Variants in RAPGEF5 observed in about 807,000 individuals in gnomAD.
RAPGEF5 encodes Rap guanine nucleotide exchange factor 5.
Under a neutral mutation model 125.2 loss-of-function variants are expected in RAPGEF5, and 65 were observed. The ratio of observed to expected loss-of-function variants is 0.52; its 90% CI spans 0.43 to 0.64. The LOEUF is 0.64. RAPGEF5 is among the 30% of genes least tolerant of loss of function. RAPGEF5 has a pLI of 0.00. For missense variants in RAPGEF5, 958 were observed against 1,048.1 expected, an observed-to-expected ratio of 0.91 and a Z score of 1.19; for synonymous variants, 391 against 385.9, an observed-to-expected ratio of 1.01 and a Z score of -0.16.
intron 7 of RAPGEF5, among the ~76,000 whole-genome samples, chr7:22,257,173 G>C (rs1225419938): frequency 6.6e-6 from 1 of 152,040 alleles, no homozygotes; most frequent in Non-Finnish European, 1.5e-5. Context: ...AAGATAGTAG[G>C]GTAATCAATT....
chr7:22,196,794 G>A lies in RAPGEF5; in HGVS notation c.997-2761C>T, dbSNP rs1030776915. The stretch of plus-strand genomic sequence containing the variant: ...TTTAAACGCTGATGTTTCGTACTAA[G>A]ACAGCCTGCCTGCCACAGACGTTTA... On this transcript the variant is annotated intron_variant, in intron 9 of 25. Coordinates refer to ENST00000665637, the MANE Select transcript of RAPGEF5 (RefSeq NM_012294.5). Among the ~76,000 whole-genome samples, 4 of 152,188 alleles carry A rather than the reference G, an allele frequency of 2.6e-5. No homozygotes were observed. The East Asian group carries it at 7.7e-4, about 29-fold the overall frequency.
intron 1 of RAPGEF5, among the ~76,000 whole-genome samples, chr7:22,345,029 T>G (rs970387109): frequency 1.3e-5 from 2 of 152,190 alleles, no homozygotes; most frequent in African/African-American, 2.4e-5. Flanking sequence ...AAAAGGCAGA[T>G]GATTGGGCCC....
intron 16 of RAPGEF5, among the ~76,000 whole-genome samples, chr7:22,154,969 C>A (rs1783759163): frequency 6.6e-6 from 1 of 152,116 alleles, no homozygotes; most frequent in Non-Finnish European, 1.5e-5. Context: ...TTTTTAAATC[C>A]CTTCTTTGAC....
intron 24 of RAPGEF5, 114 bp from the exon 25 acceptor site, chr7:22,125,772 A>T: frequency 1.0e-6 from 1 of 976,624 alleles, no homozygotes. Context: ...TAATAAAGAG[A>T]AGAACTGTAT....
intron 19 of RAPGEF5, among the ~76,000 whole-genome samples, chr7:22,145,700 C>A (rs1783412744): frequency 6.6e-6 from 1 of 152,108 alleles, no homozygotes; most frequent in Non-Finnish European, 1.5e-5. Context: ...TGGATCCCAC[C>A]CCTAGAACTT....
intron 16 of RAPGEF5, among the ~76,000 whole-genome samples, chr7:22,156,260 C>T (rs1238897404): frequency 6.6e-6 from 1 of 152,206 alleles, no homozygotes; most frequent in East Asian, 1.9e-4. Flanking sequence ...AAGGAGAAAA[C>T]CACTGGTAAT....
intron 20 of RAPGEF5, among the ~76,000 whole-genome samples, chr7:22,140,706 C>T (rs996321536): frequency 6.6e-6 from 1 of 152,170 alleles, no homozygotes; most frequent in Non-Finnish European, 1.5e-5. Context: ...GCTCCATTCA[C>T]TTCTTGAGGC....
intron 18 of RAPGEF5, among the ~76,000 whole-genome samples, chr7:22,150,049 T>C (rs539412835): frequency 4.7e-4 from 71 of 149,716 alleles, no homozygotes; most frequent in African/African-American, 1.6e-3. Flanking sequence ...ACATAAAACC[T>C]ATGCTTTATG....
intron 7 of RAPGEF5, among the ~76,000 whole-genome samples, chr7:22,245,130 C>G (rs1052618603): frequency 6.6e-6 from 1 of 152,132 alleles, no homozygotes; most frequent in African/African-American, 2.4e-5. Flanking sequence ...TGACAAATGT[C>G]TATTTAAGTT....
chr7:22,343,100 A>G lies in RAPGEF5; in HGVS notation c.231+13730T>C, dbSNP rs114680893. Among the ~76,000 whole-genome samples, 734 of 152,346 alleles carry G rather than the reference A, an allele frequency of 4.8e-3. 8 individuals are homozygous for G. The highest frequency in any genetic ancestry group is 0.017 in the African/African-American group (705 of 41,576). The stretch of plus-strand genomic sequence containing the variant: ...GAGGTTTAATGGACTTACAGTCCGC[A>G]TGGCTGGAGAGGCCTCACAATCACG... On this transcript the variant is annotated intron_variant, in intron 1 of 25. Coordinates refer to ENST00000665637, the MANE Select transcript of RAPGEF5 (RefSeq NM_012294.5).
At chr7:22,240,213 A>G (rs1786294357) in intron 7 of RAPGEF5, among the ~76,000 whole-genome samples, 1 of 151,156 alleles carries the variant, frequency 6.6e-6, no homozygotes, top group South Asian at 2.1e-4. Flanking sequence ...CCACCTCAAA[A>G]AAAAAAAAAA....
chr7:22,272,342 C>CAAA (rs1282857477), intron 6 of RAPGEF5, among the ~76,000 whole-genome samples: 113 of 33,480 alleles, frequency 3.4e-3, no homozygotes, highest in Non-Finnish European at 4.2e-3. Flanking sequence ...GACTCCGTCT[C>CAAA]AAAAAAAAAA....
At chr7:22,270,683 C>T (rs979205066) in intron 6 of RAPGEF5, among the ~76,000 whole-genome samples, 1 of 152,190 alleles carries the variant, frequency 6.6e-6, no homozygotes. Context: ...ATAACCCTTC[C>T]CTACTATAAT....
intron 9 of RAPGEF5, chr7:22,194,535 C>A: frequency 1.1e-6 from 1 of 934,926 alleles, no homozygotes; most frequent in Non-Finnish European, 1.3e-6. Flanking sequence ...TACACCCTTA[C>A]TTTAAAAGGC....
At chr7:22,253,919 A>G (rs1377966447) in intron 7 of RAPGEF5, among the ~76,000 whole-genome samples, 1 of 152,246 alleles carries the variant, frequency 6.6e-6, no homozygotes, top group Non-Finnish European at 1.5e-5. Flanking sequence ...AAAAATAAAA[A>G]GTAAAAATTT....
rs538628728 is a variant in RAPGEF5, at chr7:22,272,313, A to G, written c.748-5301T>C. 8.7e-4 allele frequency among the ~76,000 whole-genome samples: 127 copies of G among 146,348 alleles called. 2 individuals carry two copies. Among genetic ancestry groups the G allele is most frequent in the Admixed American group, 5.8e-3 (84 of 14,374 alleles). On this transcript the variant is annotated intron_variant, in intron 6 of 25. Transcript: ENST00000665637. ...AGCTGAGACCACGCCATTGCACTTCAGCCTGGGCAACAGAGCAAGACTCCG... is the reference window on the plus strand; with the variant it reads ...AGCTGAGACCACGCCATTGCACTTCGGCCTGGGCAACAGAGCAAGACTCCG...
At chr7:22,272,369 A>C (rs1562500915) in intron 6 of RAPGEF5, among the ~76,000 whole-genome samples, 1 of 108,186 alleles carries the variant, frequency 9.2e-6, no homozygotes, top group African/African-American at 3.2e-5. Context: ...AAAAAGAAGG[A>C]AAAAAAAGAA....
intron 17 of RAPGEF5, among the ~76,000 whole-genome samples, chr7:22,153,987 C>A (rs948594029): frequency 1.3e-5 from 2 of 152,190 alleles, no homozygotes; most frequent in Non-Finnish European, 2.9e-5. Context: ...TCCCCACGTC[C>A]ACCTAAAGGA....
intron 6 of RAPGEF5, among the ~76,000 whole-genome samples, chr7:22,277,597 C>T (rs1222529737): frequency 6.6e-6 from 1 of 152,158 alleles, no homozygotes; most frequent in Non-Finnish European, 1.5e-5. Flanking sequence ...CTTCCATGCT[C>T]ATGCAGGTCA....
Sources: gnomAD v4.1 joint callset for allele counts (sites outside exome capture counted in the v4.1 genomes callset) on GRCh38, gnomAD v4.1.1 for gene constraint, MANE v1.5 for transcripts, NCBI Gene and HGNC (gene_info 2026-07-23, HGNC 2026-07-21) for gene names.